KIF15: variants seen among roughly 807,000 people sequenced by gnomAD.
KIF15 encodes kinesin-like protein KIF15.
Under a neutral mutation model 190.6 loss-of-function variants are expected in KIF15, and 140 were observed. The ratio of observed to expected loss-of-function variants is 0.73; its 90% confidence interval spans 0.64 to 0.84. KIF15 has a LOEUF of 0.84. Ranked by LOEUF, KIF15 falls within the 40% of genes least tolerant of loss-of-function variation. The probability of loss-of-function intolerance (pLI) is 0.00; values close to 1 mark genes in which losing one functional copy is unlikely to be tolerated. For synonymous variants in KIF15, 528 were observed against 551.3 expected (o/e 0.96, Z 0.59); for missense variants, 1,372 against 1,584.4 (o/e 0.87, Z 2.28).
At chr3:44,793,246 C>T (rs977990272) in intron 7 of KIF15, among the ~76,000 whole-genome samples, 2 of 152,154 alleles carry the variant, frequency 1.3e-5, no homozygotes, top group African/African-American at 2.4e-5. Flanking sequence ...ATGGTTTGAA[C>T]TCATATGCAT....
chr3:44,840,029 T>A (rs1698513137), intron 27 of KIF15, among the ~76,000 whole-genome samples: 1 of 152,194 alleles, frequency 6.6e-6, no homozygotes, highest in African/African-American at 2.4e-5. Flanking sequence ...TTTAATTCCT[T>A]TGGATATATA....
chr3:44,861,957 C>A (rs1314720744), intron 6 of KIF15: 1 of 1,402,802 alleles, frequency 7.1e-7, no homozygotes, highest in South Asian at 1.5e-5. Context: ...CGGGCGGCGC[C>A]GTGTCCGCGA....
chr3:44,863,221 G>A (rs1162081790), intron 6 of KIF15: 1 of 148,376 alleles, frequency 6.7e-6, no homozygotes, highest in Non-Finnish European at 1.5e-5. Flanking sequence ...TAAGTTATAA[G>A]CAAGCACCTT....
At chr3:44,843,318 G>A in intron 30 of KIF15, 84 bp downstream of exon 30, 1 of 822,312 alleles carries the variant, frequency 1.2e-6, no homozygotes, top group Non-Finnish European at 2.0e-6. Context: ...GGTTTCACAG[G>A]TTTCCCAAGG....
intron 32 of KIF15, among the ~76,000 whole-genome samples, 161 bp downstream of exon 32, chr3:44,848,719 G>T (rs868452032): frequency 6.6e-6 from 1 of 151,912 alleles, no homozygotes. Flanking sequence ...TTGCTAAAAG[G>T]GTTTCTCATG....
chr3:44,839,282 AGAATGGTGT>A (rs1178656526), intron 27 of KIF15, among the ~76,000 whole-genome samples: 1 of 151,982 alleles, frequency 6.6e-6, no homozygotes, highest in Non-Finnish European at 1.5e-5. Flanking sequence ...CTGAGGCAGG[AGAATGGTGT>A]GAACCCGGGA....
At chr3:44,776,990 ATT>A (rs371067828) in intron 3 of KIF15, among the ~76,000 whole-genome samples, 8 of 116,818 alleles carry the variant, frequency 6.8e-5, no homozygotes, top group Non-Finnish European at 3.4e-5. Context: ...AACATCACAG[ATT>A]TTTTTTTTTT....
downstream of KIF15, among the ~76,000 whole-genome samples, chr3:44,856,591 G>C (rs1307862197): frequency 6.6e-6 from 1 of 152,154 alleles, no homozygotes; most frequent in Non-Finnish European, 1.5e-5. Context: ...AGGTGGGAGT[G>C]ACTGATGAGA....
intron 7 of KIF15, among the ~76,000 whole-genome samples, chr3:44,789,677 TATATATATATATATAA>T (rs1706586977): frequency 2.3e-5 from 1 of 43,412 alleles, no homozygotes; most frequent in Admixed American, 2.7e-4. Flanking sequence ...TATATATATA[TATATATATATATATAA>T]AATAGATACA....
chr3:44,826,300 A>G (rs1697641502), intron 21 of KIF15, 75 bp from the exon 22 acceptor site: 2 of 1,549,156 alleles, frequency 1.3e-6, no homozygotes, highest in Admixed American at 1.8e-5. Context: ...TGCCTGCCAC[A>G]TAGAAGGTAC....
At chr3:44,798,813 G>C (rs570212552) in intron 10 of KIF15, among the ~76,000 whole-genome samples, 1 of 152,274 alleles carries the variant, frequency 6.6e-6, no homozygotes, top group Non-Finnish European at 1.5e-5. Context: ...TTCTGATTCA[G>C]TTCCATCCTG....
In KIF15 at chr3:44,784,896, G is replaced by T. The variant is rs761190372; in HGVS notation, c.413G>T (p.Arg138Leu). 3.2e-6 allele frequency: 5 copies of T among 1,585,060 alleles called. No individual in the cohort carries two copies. The highest frequency in any genetic ancestry group is 2.3e-5 in the South Asian group (2 of 87,068). The change falls in exon 6 of 35, where the codon CGA (arginine) becomes CTA (leucine). Residue 138 changes from arginine (R) to leucine (L), a missense_variant. Transcript: ENST00000326047. ...CATAACCTGAGAGGAGTAATCCCACGAAGTTTTGAATATTTGTTTTCCTTA... is the reference window on the plus strand; with the variant it reads ...CATAACCTGAGAGGAGTAATCCCACTAAGTTTTGAATATTTGTTTTCCTTA... ...FSHNLRGVIP[R>L]SFEYLFSLID...
At chr3:44,814,094 T>TA (rs1707923414) in intron 19 of KIF15, among the ~76,000 whole-genome samples, 1 of 152,242 alleles carries the variant, frequency 6.6e-6, no homozygotes, top group Non-Finnish European at 1.5e-5. Context: ...CAGTGGTTTG[T>TA]AATAAAGCTA....
At chr3:44,808,835 A>C (rs965309418) in intron 16 of KIF15, among the ~76,000 whole-genome samples, 17 of 152,202 alleles carry the variant, frequency 1.1e-4, no homozygotes, top group Non-Finnish European at 2.2e-4. Context: ...CAGAAGAATT[A>C]TAGAGCTTGA....
chr3:44,774,458 A>G (rs370270975), intron 2 of KIF15, 21 bp downstream of exon 2: 5 of 1,595,408 alleles, frequency 3.1e-6, no homozygotes, highest in Non-Finnish European at 4.3e-6. Context: ...AAATATTCTC[A>G]ATGAGCTCCC....
intron 7 of KIF15, among the ~76,000 whole-genome samples, chr3:44,790,178 AT>A (rs1706615400): frequency 6.6e-6 from 1 of 151,824 alleles, no homozygotes; most frequent in African/African-American, 2.4e-5. Context: ...CATATACTTT[AT>A]GACATTTTTT....
Position 44,784,825 on chromosome 3 carries a change from T to TG in KIF15, c.362-20_362-19insG, listed in dbSNP as rs1706333414. 2.3e-6 allele frequency: 3 copies of TG among 1,328,594 alleles called. No individual in the cohort carries two copies. Among genetic ancestry groups the TG allele is most frequent in the Non-Finnish European group, 3.2e-6 (3 of 944,218 alleles). 82.3% of individuals were successfully genotyped at this position (1,328,594 alleles called of 1,614,324 possible). ...TTGGAATAGAATAAAAATCCAGTGT[T>TG]TTTTTTTTCATTTTTTTAGGACCAT... On this transcript the variant is annotated intron_variant, in intron 5 of 34. Coordinates refer to ENST00000326047, the MANE Select transcript of KIF15 (RefSeq NM_020242.3).
chr3:44,850,400 A>G (rs1288546772), intron 32 of KIF15, among the ~76,000 whole-genome samples: 1 of 152,218 alleles, frequency 6.6e-6, no homozygotes, highest in Non-Finnish European at 1.5e-5. Context: ...CAGCTATTTT[A>G]GAACTAATAT....
chr3:44,818,791 T>G (rs1453547520), intron 20 of KIF15, among the ~76,000 whole-genome samples: 1 of 152,212 alleles, frequency 6.6e-6, no homozygotes, highest in Non-Finnish European at 1.5e-5. Flanking sequence ...TCTTTTTCTA[T>G]TGATTGGAAT....
Sources: allele counts gnomAD v4.1 joint callset (sites outside exome capture counted in the v4.1 genomes callset), GRCh38; gene constraint gnomAD v4.1.1; transcripts MANE v1.5; gene names NCBI Gene and HGNC (gene_info 2026-07-23, HGNC 2026-07-21).